FAM111A: variants seen among roughly 807,000 people sequenced by gnomAD.
FAM111A encodes the protein FAM111 trypsin like peptidase A, also known as serine protease FAM111A.
In FAM111A, 8 loss-of-function variants were observed where a neutral mutation model predicts 3.3. The observed-to-expected ratio is 2.39, with a 90% CI of 1.40 to 4.32. The LOEUF is 4.32. Among genes scored for constraint, FAM111A ranks in the 30% most tolerant of loss-of-function variants. The pLI is 0.00. For synonymous variants in FAM111A, 227 were observed against 243.1 expected, an observed-to-expected ratio of 0.93 and a Z score of 0.62; for missense variants, 683 against 727.6, an observed-to-expected ratio of 0.94 and a Z score of 0.71.
chr11:59,152,057 G>T lies in FAM111A; in HGVS notation c.389G>T (p.Gly130Val), dbSNP rs1265977575. The T allele has an allele frequency of 1.9e-6, 3 of 1,614,084 alleles. No individual in the cohort carries two copies. In the Admixed American group the frequency reaches 5.0e-5, roughly 27 times the overall value. Residue 130 changes from glycine to valine, a missense_variant, in exon 6 of 6, where the codon GGC (glycine) becomes GTC (valine). Gly to Val is a moderately radical substitution (Grantham distance 109). Transcript: ENST00000675163. ...THQGQEMLVR[G>V]TEGIKEYINL... ...CAAGGCCAAGAAATGCTTGTGCGTG[G>T]CACAGAAGGAATCAAAGAGTACATA...
chr11:59,150,794 T>G (rs1396609009), intron 5 of FAM111A, among the ~76,000 whole-genome samples: 10 of 152,172 alleles, frequency 6.6e-5, no homozygotes, highest in Admixed American at 5.2e-4. Context: ...AAGAAAAACT[T>G]TCTGTGCCTT....
At chr11:59,145,679 C>T (rs1307587908) in intron 3 of FAM111A, 148 bp from the exon 4 acceptor site, 2 of 152,284 alleles carry the variant, frequency 1.3e-5, no homozygotes, top group East Asian at 3.9e-4. Flanking sequence ...CACCCGGATC[C>T]TCTCTCAAAC....
rs777655916 is a variant in FAM111A, at chr11:59,153,316, G to T, written c.1648G>T (p.Gly550Cys). The change falls in exon 6 of 6, where the codon GGT (glycine) becomes TGT (cysteine). Residue 550 changes from glycine to cysteine, a missense_variant. Gly to Cys is a radical substitution (Grantham distance 159). Coordinates refer to ENST00000675163, the MANE Select transcript of FAM111A (RefSeq NM_001312909.2). ...ASGSPVFDSKGSLVAMHAAGF... is the reference protein window; with the variant it reads ...ASGSPVFDSKCSLVAMHAAGF... Reference sequence around the variant, plus strand: ...CGGCTCCCCTGTGTTTGATTCAAAAGGTTCATTGGTGGCCATGCATGCTGC... The same window carrying T: ...CGGCTCCCCTGTGTTTGATTCAAAATGTTCATTGGTGGCCATGCATGCTGC... 8 of 1,614,154 alleles carry T rather than the reference G, an allele frequency of 5.0e-6. No homozygotes were observed. The highest frequency in any genetic ancestry group is 1.3e-5 in the African/African-American group (1 of 75,030).
In FAM111A at chr11:59,152,903, T is replaced by G. The variant is rs150845388; in HGVS notation, c.1235T>G (p.Phe412Cys). The change falls in exon 6 of 6, where the codon TTT (phenylalanine) becomes TGT (cysteine). Residue 412 changes from phenylalanine (F) to cysteine (C), a missense_variant. Transcript: ENST00000675163. ...ATTGGTCAATGTGTAAGGGTGACAT[T>G]TGGTTATGAAGAGCTAAAAGACAAG... ...TIIGQCVRVT[F>C]GYEELKDKET... 1.2e-6 allele frequency: 2 copies of G among 1,614,138 alleles called. No homozygotes were observed. Among genetic ancestry groups the G allele is most frequent in the African/African-American group, 2.7e-5 (2 of 75,046 alleles).
chr11:59,153,719 T>TTTTTTTTTTA lies in FAM111A; in HGVS notation c.*215_*216insTTTTTTTTTA, dbSNP rs1411522745. On this transcript the variant is annotated 3_prime_UTR_variant, in exon 6 of 6. Coordinates refer to ENST00000675163, the MANE Select transcript of FAM111A (RefSeq NM_001312909.2). ...CTTGCCCAAATTTTTTTTTTTTTTT[T>TTTTTTTTTTA]GAGACTGAGTCTCACTCTGTCGCCT... The TTTTTTTTTTA allele has an allele frequency of 2.5e-6, 1 of 395,388 alleles. No individual in the cohort carries two copies. Among genetic ancestry groups the TTTTTTTTTTA allele is most frequent in the African/African-American group, 2.1e-5 (1 of 47,238 alleles). 24.5% of individuals were successfully genotyped at this position (395,388 alleles called of 1,614,324 possible).
rs764343220 is a variant in FAM111A at position 59,148,898 on chromosome 11, G to A, written c.26G>A (p.Arg9Gln). 1.4e-5 allele frequency: 22 copies of A among 1,613,834 alleles called. No individual in the cohort carries two copies. The highest frequency in any genetic ancestry group is 1.9e-5 in the Non-Finnish European group (22 of 1,179,768). Residue 9 changes from arginine (R) to glutamine (Q), a missense_variant, in exon 5 of 6, where the codon CGG becomes CAG. Arg to Gln is a conservative substitution (Grantham distance 43). Transcript: ENST00000675163. The part of the protein sequence containing the change: MSCKKQRS[R>Q]KHSVNEKCNM... ...ATGAGCTGTAAGAAGCAGAGGTCAC[G>A]GAAGCACTCAGTCAATGAAAAATGT...
In FAM111A at chr11:59,152,784, C is replaced by G; in HGVS notation, c.1116C>G (p.Cys372Trp). The G allele has an allele frequency of 6.2e-7, 1 of 1,614,124 alleles. No homozygotes were observed. Among genetic ancestry groups the G allele is most frequent in the Non-Finnish European group, 8.5e-7 (1 of 1,180,014 alleles). ...WDSATTGYAT[C>W]FVFKGLFILT... ...GTGCAACTACGGGTTACGCCACCTG[C>G]TTTGTTTTTAAAGGATTGTTCATTT... The change falls in exon 6 of 6, where the codon TGC becomes TGG. Residue 372 changes from cysteine to tryptophan, a missense_variant. Cys to Trp is a radical substitution (Grantham distance 215). This residue lies in a region of FAM111A where 557 missense variants were observed against 600.2 expected (regional missense o/e 0.93). Coordinates refer to ENST00000675163, the MANE Select transcript of FAM111A (RefSeq NM_001312909.2).
Position 59,152,036 on chromosome 11 carries a change from G to A in FAM111A, c.368G>A (p.Gly123Asp). The change falls in exon 6 of 6, where the codon GGC becomes GAC. Residue 123 changes from glycine (G) to aspartate (D), a missense_variant. This residue lies in a region of FAM111A where 557 missense variants were observed against 600.2 expected (regional missense o/e 0.93). Transcript: ENST00000675163. ...AVRKEIETHQ[G>D]QEMLVRGTEG... The stretch of plus-strand genomic sequence containing the variant: ...AGAAAAGAGATAGAAACTCACCAAG[G>A]CCAAGAAATGCTTGTGCGTGGCACA... 1 of 1,614,192 alleles carries A rather than the reference G, an allele frequency of 6.2e-7. No individual in the cohort carries two copies. The highest frequency in any genetic ancestry group is 1.3e-5 in the African/African-American group (1 of 75,052).
Position 59,143,499 on chromosome 11 carries a change from C to T in FAM111A, c.-303C>T. On this transcript the variant is annotated splice_region_variant and 5_prime_UTR_variant, in exon 3 of 6. Transcript: ENST00000675163. The stretch of plus-strand genomic sequence containing the variant: ...ACGGATGTGTCTTTCTTTTGCAGTG[C>T]CCAAGCCTGTTCTAATTTTTAAAAA... 6.6e-6 allele frequency: 1 copy of T among 151,316 alleles called. No homozygotes were observed. Among genetic ancestry groups the T allele is most frequent in the Non-Finnish European group, 1.5e-5 (1 of 68,032 alleles). The allele number at this position is 151,316 out of a possible 1,614,324, so 9.4% of individuals were successfully genotyped here.
Position 59,152,535 on chromosome 11 carries a change from C to T in FAM111A, c.867C>T (p.Thr289=), listed in dbSNP as rs751371136. 6.2e-7 allele frequency: 1 copy of T among 1,614,008 alleles called. No homozygotes were observed. Among genetic ancestry groups the T allele is most frequent in the Non-Finnish European group, 8.5e-7 (1 of 1,180,012 alleles). The change falls in exon 6 of 6, where the codon ACC becomes ACT. Residue 289 remains threonine (T), a synonymous_variant. Coordinates refer to ENST00000675163, the MANE Select transcript of FAM111A (RefSeq NM_001312909.2). The stretch of plus-strand genomic sequence containing the variant: ...ATCCTGAGTCAGAGAAAAGAAACAC[C>T]TGTGTGTTGAGAGAACAAATCGTGG... The part of the protein sequence containing the change: ...SQNPESEKRN[T]CVLREQIVAQ...
rs1387536289 is a variant in FAM111A, at chr11:59,142,883, T to C, written c.-591T>C. ...CAGGCCAGCCTACCGGCGACTAGGA[T>C]GCTTTCGCTTTCGCTCTCGCTTTCC... On this transcript the variant is annotated 5_prime_UTR_variant, in exon 1 of 6. The change abolishes an upstream ATG in the 5' untranslated region. Coordinates refer to ENST00000675163, the MANE Select transcript of FAM111A (RefSeq NM_001312909.2). The C allele has an allele frequency of 2.0e-5, 3 of 150,890 alleles. No homozygotes were observed. The highest frequency in any genetic ancestry group is 4.2e-4 in the South Asian group (2 of 4,794). 9.3% of individuals were successfully genotyped at this position (150,890 alleles called of 1,614,324 possible). A position where few individuals can be genotyped will look rare whatever the true frequency, so the allele number is the denominator to read the frequency against.
chr11:59,147,398 C>T (rs1279848010), intron 4 of FAM111A, among the ~76,000 whole-genome samples: 1 of 152,156 alleles, frequency 6.6e-6, no homozygotes, highest in African/African-American at 2.4e-5. Flanking sequence ...TGGGCTGCTT[C>T]TACATGTTGT....
Position 59,153,271 on chromosome 11 carries a change from G to C in FAM111A, c.1603G>C (p.Glu535Gln). ...CCCTGATGTGATTACCTATGACACT[G>C]AATTTTTCTTTGGGGCTTCCGGCTC... Reference protein sequence around the residue: ...HNPDVITYDTEFFFGASGSPV... With the variant: ...HNPDVITYDTQFFFGASGSPV... Residue 535 changes from glutamate to glutamine, a missense_variant, in exon 6 of 6, where the codon GAA becomes CAA. By Grantham distance (29) the Glu-to-Gln change is conservative. Transcript: ENST00000675163. 3 of 1,614,136 alleles carry C rather than the reference G, an allele frequency of 1.9e-6. No homozygotes were observed. Among genetic ancestry groups the C allele is most frequent in the Non-Finnish European group, 2.5e-6 (3 of 1,180,020 alleles).
chr11:59,152,160 G>C lies in FAM111A; in HGVS notation c.492G>C (p.Gln164His), dbSNP rs759162699. Residue 164 changes from glutamine to histidine, a missense_variant, in exon 6 of 6, where the codon CAG (glutamine) becomes CAC (histidine). Coordinates refer to ENST00000675163, the MANE Select transcript of FAM111A (RefSeq NM_001312909.2). ...VITFSQSKSKQKEDNHIFGRQ... is the reference protein window; with the variant it reads ...VITFSQSKSKHKEDNHIFGRQ... ...CATTTTCCCAAAGTAAAAGTAAGCA[G>C]AAGGAAGATAACCACATATTTGGCA... 1.2e-6 allele frequency: 2 copies of C among 1,614,134 alleles called. No homozygotes were observed. Among genetic ancestry groups the C allele is most frequent in the South Asian group, 2.2e-5 (2 of 91,080 alleles).
chr11:59,152,074 G>C lies in FAM111A; in HGVS notation c.406G>C (p.Glu136Gln). The C allele has an allele frequency of 6.2e-7, 1 of 1,614,184 alleles. No individual in the cohort carries two copies. The highest frequency in any genetic ancestry group is 1.1e-5 in the South Asian group (1 of 91,086). The change falls in exon 6 of 6, where the codon GAG (glutamate) becomes CAG (glutamine). Residue 136 changes from glutamate (E) to glutamine (Q), a missense_variant. This residue lies in a region of FAM111A where 557 missense variants were observed against 600.2 expected (regional missense o/e 0.93). Coordinates refer to ENST00000675163, the MANE Select transcript of FAM111A (RefSeq NM_001312909.2). The stretch of plus-strand genomic sequence containing the variant: ...TGTGCGTGGCACAGAAGGAATCAAA[G>C]AGTACATAAACCTTGGAATGCCCCT... ...MLVRGTEGIKEYINLGMPLSC... is the reference protein window; with the variant it reads ...MLVRGTEGIKQYINLGMPLSC...
At position 59,153,377 on chromosome 11, in the gene FAM111A, G is replaced by C; in HGVS notation, c.1709G>C (p.Ser570Thr). The change falls in exon 6 of 6, where the codon AGT (serine) becomes ACT (threonine). Residue 570 changes from serine (S) to threonine (T), a missense_variant. Coordinates refer to ENST00000675163, the MANE Select transcript of FAM111A (RefSeq NM_001312909.2). Reference sequence around the variant, plus strand: ...TATACTTACCAAAATGAGACTCGTAGTATCATTGAGTTTGGCTCTACCATG... The same window carrying C: ...TATACTTACCAAAATGAGACTCGTACTATCATTGAGTTTGGCTCTACCATG... ...FAYTYQNETR[S>T]IIEFGSTMES... The C allele has an allele frequency of 6.2e-7, 1 of 1,614,166 alleles. No individual in the cohort carries two copies.
chr11:59,145,360 A>G (rs1860720512), intron 3 of FAM111A: 1 of 152,676 alleles, frequency 6.5e-6, no homozygotes, highest in Non-Finnish European at 1.5e-5. Flanking sequence ...TGGGCTGGAC[A>G]TGGGCCCCAG....
rs1445216895 is a variant in FAM111A at position 59,154,365 on chromosome 11, T to C, written c.*861T>C. 6.6e-6 allele frequency: 1 copy of C among 152,202 alleles called. No homozygotes were observed. Among genetic ancestry groups the C allele is most frequent in the Non-Finnish European group, 1.5e-5 (1 of 68,036 alleles). 9.4% of individuals were successfully genotyped at this position (152,202 alleles called of 1,614,324 possible). A position where few individuals can be genotyped will look rare whatever the true frequency, so the allele number is the denominator to read the frequency against. The stretch of plus-strand genomic sequence containing the variant: ...CTGTCGGAATATATGGGTCTTGAAA[T>C]TCAGAAGATGATAGTCACTCTTCCC... On this transcript the variant is annotated 3_prime_UTR_variant, in exon 6 of 6. Coordinates refer to ENST00000675163, the MANE Select transcript of FAM111A (RefSeq NM_001312909.2).
Position 59,152,942 on chromosome 11 carries a change from T to C in FAM111A, c.1274T>C (p.Phe425Ser). The change falls in exon 6 of 6, where the codon TTT becomes TCT. Residue 425 changes from phenylalanine (F) to serine (S), a missense_variant. Physicochemically the swap from Phe to Ser is radical, Grantham distance 155 (BLOSUM62 -2). Transcript: ENST00000675163. ...CTAAAAGACAAGGAAACAAACTACT[T>C]TTTTGTTGAACCTTGGTTTGAGATA... ...EELKDKETNY[F>S]FVEPWFEIHN... 1 of 1,614,108 alleles carries C rather than the reference T, an allele frequency of 6.2e-7. No homozygotes were observed. Among genetic ancestry groups the C allele is most frequent in the South Asian group, 1.1e-5 (1 of 91,078 alleles).
Sources: allele counts gnomAD v4.1 joint callset (sites outside exome capture counted in the v4.1 genomes callset), GRCh38; gene constraint gnomAD v4.1.1; regional missense constraint gnomAD v4.1.1; transcripts MANE v1.5; gene names NCBI Gene and HGNC (gene_info 2026-07-23, HGNC 2026-07-21).